The following INPP4B variants were observed in gnomAD, a reference collection of about 807,000 sequenced individuals.
INPP4B encodes the protein inositol polyphosphate-4-phosphatase type II B.
In INPP4B, 55 loss-of-function variants were observed where a neutral mutation model predicts 122.5. That is an observed-to-expected ratio of 0.45 (90% CI 0.36 to 0.56). The LOEUF (loss-of-function observed/expected upper bound fraction) is 0.56. Ranked by LOEUF, INPP4B falls within the 20% of genes least tolerant of loss-of-function variation. INPP4B has a pLI of 0.00. For synonymous variants in INPP4B, 403 were observed against 388.7 expected (o/e 1.04, Z -0.43); for missense variants, 1,000 against 1,097.7 (o/e 0.91, Z 1.26).
At chr4:142,638,320 T>C (rs954782933) in intron 2 of INPP4B, among the ~76,000 whole-genome samples, 3 of 152,164 alleles carry the variant, frequency 2.0e-5, no homozygotes, top group Non-Finnish European at 4.4e-5. Context: ...ATTTTATAGT[T>C]TGGCATTTTA....
At chr4:142,098,143 A>T (rs1486644275) in intron 23 of INPP4B, among the ~76,000 whole-genome samples, 1 of 152,040 alleles carries the variant, frequency 6.6e-6, no homozygotes, top group African/African-American at 2.4e-5. Context: ...TATAAGGGGG[A>T]AGGCATTTAA....
At chr4:142,182,314 T>C (rs1831155683) in intron 15 of INPP4B, among the ~76,000 whole-genome samples, 1 of 152,016 alleles carries the variant, frequency 6.6e-6, no homozygotes, top group Non-Finnish European at 1.5e-5. Context: ...TTTGGGAGGC[T>C]GAGGTGGGCG....
chr4:142,478,430 G>C (rs1315394277), intron 2 of INPP4B, among the ~76,000 whole-genome samples: 1 of 151,886 alleles, frequency 6.6e-6, no homozygotes, highest in Non-Finnish European at 1.5e-5. Context: ...ATTATTTTTA[G>C]GTATTATTTT....
At chr4:142,702,389 A>C (rs188955891) in intron 2 of INPP4B, among the ~76,000 whole-genome samples, 3 of 152,236 alleles carry the variant, frequency 2.0e-5, no homozygotes, top group Non-Finnish European at 4.4e-5. Flanking sequence ...TTATTGCAAA[A>C]ACATAAAAAT....
intron 1 of INPP4B, among the ~76,000 whole-genome samples, chr4:142,833,385 C>T (rs1782403928): frequency 6.6e-6 from 1 of 152,002 alleles, no homozygotes; most frequent in South Asian, 2.1e-4. Flanking sequence ...CCACCCACAT[C>T]ACCCAAGATG....
chr4:142,299,799 C>T lies in INPP4B; in HGVS notation c.503+5659G>A, dbSNP rs1337273624. 3.3e-5 allele frequency among the ~76,000 whole-genome samples: 5 copies of T among 151,824 alleles called. No individual in the cohort carries two copies. In the East Asian group the frequency reaches 9.7e-4, roughly 29 times the overall value. On this transcript the variant is annotated intron_variant, in intron 9 of 25. Transcript: ENST00000262992. The stretch of plus-strand genomic sequence containing the variant: ...GAATCTTACTTTCTGGTACCTCCCC[C>T]TACCACCCCCCCAAAAAACTGGAAG...
intron 3 of INPP4B, among the ~76,000 whole-genome samples, chr4:142,450,903 G>A (rs10213443): frequency 0.21 from 31,838 of 151,686 alleles, 4,070 homozygotes; most frequent in East Asian, 0.45. Flanking sequence ...AGAAAAAAAG[G>A]AGGAGGACTA....
intron 5 of INPP4B, among the ~76,000 whole-genome samples, chr4:142,406,316 C>T (rs1803357315): frequency 6.6e-6 from 1 of 152,020 alleles, no homozygotes. Context: ...GGGTTCTATA[C>T]CATCCCTACC....
intron 21 of INPP4B, among the ~76,000 whole-genome samples, chr4:142,120,112 A>G (rs1394787226): frequency 1.3e-5 from 2 of 151,906 alleles, no homozygotes; most frequent in East Asian, 1.9e-4. Context: ...TCCATTCTCC[A>G]TTGAATTACC....
chr4:142,561,535 C>T (rs1422841183), intron 2 of INPP4B, among the ~76,000 whole-genome samples: 1 of 152,146 alleles, frequency 6.6e-6, no homozygotes, highest in Non-Finnish European at 1.5e-5. Context: ...TCTTCTGCCT[C>T]AGCCTCTGGA....
chr4:142,816,913 G>C (rs966791470), intron 1 of INPP4B, among the ~76,000 whole-genome samples: 17 of 152,124 alleles, frequency 1.1e-4, no homozygotes, highest in Non-Finnish European at 2.4e-4. Context: ...GTTCTGGGTT[G>C]AATAGTGCCC....
chr4:142,757,706 T>C (rs953470470), intron 1 of INPP4B, among the ~76,000 whole-genome samples: 2 of 147,476 alleles, frequency 1.4e-5, no homozygotes, highest in Non-Finnish European at 3.0e-5. Flanking sequence ...CTTGGTTGCT[T>C]CCAAATTTGG....
Position 142,440,035 on chromosome 4 carries a change from ACT to A in INPP4B, c.-126-8652_-126-8651del, listed in dbSNP as rs1488747198. On this transcript the variant is annotated intron_variant, in intron 3 of 25. Transcript: ENST00000262992. ...TTTTCCTCTGCTTTTTAATAAAATA[ACT>A]CTGTCAGAACGTAAATTTGATTCTC... Among the ~76,000 whole-genome samples the A allele has an allele frequency of 2.6e-5, 4 of 152,282 alleles. No individual in the cohort carries two copies. The East Asian group carries it at 5.8e-4, about 22-fold the overall frequency.
chr4:142,720,791 C>CTATATA (rs1479748410), intron 2 of INPP4B, among the ~76,000 whole-genome samples: 1 of 39,542 alleles, frequency 2.5e-5, no homozygotes, highest in Non-Finnish European at 5.3e-5. Flanking sequence ...CTCTCTCTCT[C>CTATATA]TCTCTCTCTC....
intron 24 of INPP4B, among the ~76,000 whole-genome samples, chr4:142,083,651 T>G (rs1402867593): frequency 6.6e-6 from 1 of 152,194 alleles, no homozygotes; most frequent in Non-Finnish European, 1.5e-5. Context: ...ATTGTGATTC[T>G]TAAACTTGAA....
At chr4:142,188,462 A>G (rs1266894217) in intron 15 of INPP4B, among the ~76,000 whole-genome samples, 3 of 126,636 alleles carry the variant, frequency 2.4e-5, no homozygotes, top group South Asian at 2.8e-4. Context: ...ACTCCAGCCT[A>G]GGCGACAGAG....
chr4:142,223,743 A>G (rs758809242), intron 12 of INPP4B, among the ~76,000 whole-genome samples: 2 of 152,186 alleles, frequency 1.3e-5, no homozygotes, highest in Non-Finnish European at 2.9e-5. Flanking sequence ...TGGTATTCTA[A>G]TTGTGCATCA....
chr4:142,034,748 C>G (rs993739448), intron 25 of INPP4B, among the ~76,000 whole-genome samples: 1 of 152,142 alleles, frequency 6.6e-6, no homozygotes, highest in Non-Finnish European at 1.5e-5. Context: ...CCAGGCACCT[C>G]CTCCTAGCCA....
At chr4:142,153,961 C>T (rs1815813959) in intron 17 of INPP4B, among the ~76,000 whole-genome samples, 1 of 151,998 alleles carries the variant, frequency 6.6e-6, no homozygotes, top group Non-Finnish European at 1.5e-5. Context: ...CTTTGTGGAC[C>T]TTAATATTGG....
Sources: allele counts gnomAD v4.1 joint callset (sites outside exome capture counted in the v4.1 genomes callset), GRCh38; gene constraint gnomAD v4.1.1; transcripts MANE v1.5; gene names NCBI Gene and HGNC (gene_info 2026-07-23, HGNC 2026-07-21).